SLC2A13: variants seen among roughly 807,000 people sequenced by gnomAD.
SLC2A13 encodes the protein proton myo-inositol cotransporter.
SLC2A13 carries 32 observed loss-of-function variants against 64.4 expected under a neutral mutation model. The ratio of observed to expected loss-of-function variants is 0.50; its 90% CI spans 0.37 to 0.67. The LOEUF (loss-of-function observed/expected upper bound fraction) is 0.67, where lower values mean the gene tolerates loss of function less well. Among genes scored for constraint, SLC2A13 ranks in the 30% least tolerant of loss-of-function variants. The probability of loss-of-function intolerance (pLI) is 0.00; values close to 1 mark genes in which losing one functional copy is unlikely to be tolerated. For synonymous variants in SLC2A13, 338 were observed against 327.1 expected (o/e 1.03, Z -0.36); for missense variants, 743 against 829.2 (o/e 0.90, Z 1.28).
intron 7 of SLC2A13, among the ~76,000 whole-genome samples, chr12:39,816,471 C>A (rs12813110): frequency 0.64 from 92,634 of 145,564 alleles, 29,809 homozygotes; most frequent in East Asian, 0.76. Context: ...AGGAGATATA[C>A]CTAATGTAAA....
intron 7 of SLC2A13, among the ~76,000 whole-genome samples, chr12:39,765,209 T>C (rs535285615): frequency 6.6e-6 from 1 of 152,140 alleles, no homozygotes; most frequent in East Asian, 1.9e-4. Context: ...ATGACAAGAT[T>C]CAAATTTCAG....
At chr12:40,070,126 C>T (rs1937895690) in intron 1 of SLC2A13, among the ~76,000 whole-genome samples, 1 of 150,956 alleles carries the variant, frequency 6.6e-6, no homozygotes, top group Admixed American at 6.6e-5. Context: ...TATTAGAAGG[C>T]CAATTAGTCT....
intron 3 of SLC2A13, among the ~76,000 whole-genome samples, chr12:40,014,435 C>G (rs763463711): frequency 6.6e-6 from 1 of 152,084 alleles, no homozygotes; most frequent in Non-Finnish European, 1.5e-5. Context: ...AAAAAGATTC[C>G]ACTTGAATAC....
At chr12:39,849,886 G>GT (rs1353528311) in intron 6 of SLC2A13, among the ~76,000 whole-genome samples, 1 of 151,626 alleles carries the variant, frequency 6.6e-6, no homozygotes, top group Non-Finnish European at 1.5e-5. Context: ...CTCTGTTGTT[G>GT]TTTTTTAAAA....
At chr12:40,046,462 A>G (rs995438215) in intron 2 of SLC2A13, among the ~76,000 whole-genome samples, 2 of 152,244 alleles carry the variant, frequency 1.3e-5, no homozygotes, top group Non-Finnish European at 2.9e-5. Context: ...GAATATATCT[A>G]TATTACTTAC....
At chr12:39,771,033 G>A (rs1449749104) in intron 7 of SLC2A13, among the ~76,000 whole-genome samples, 1 of 152,052 alleles carries the variant, frequency 6.6e-6, no homozygotes, top group Non-Finnish European at 1.5e-5. Context: ...GTTAGAGAAC[G>A]TACACAAAGA....
chr12:39,935,384 G>A (rs1945901011), intron 4 of SLC2A13, among the ~76,000 whole-genome samples: 1 of 152,188 alleles, frequency 6.6e-6, no homozygotes, highest in African/African-American at 2.4e-5. Flanking sequence ...AAGCTTGAAT[G>A]TTGTGGCTTT....
chr12:39,760,220 C>T lies in SLC2A13; in HGVS notation c.1753G>A (p.Val585Met), dbSNP rs776403918. 6.2e-7 allele frequency: 1 copy of T among 1,612,552 alleles called. No homozygotes were observed. Among genetic ancestry groups the T allele is most frequent in the East Asian group, 2.2e-5 (1 of 44,802 alleles). ...AFFLYAGFAAVGLLFIYGCLP... is the reference protein window; with the variant it reads ...AFFLYAGFAAMGLLFIYGCLP... ...CAGCCATAGATGAAAAGGAGTCCCACAGCAGCAAATCCAGCATAGAGGAAG... is the reference window on the plus strand; with the variant it reads ...CAGCCATAGATGAAAAGGAGTCCCATAGCAGCAAATCCAGCATAGAGGAAG... The change falls in exon 10 of 10, where the codon GTG becomes ATG. Residue 585 changes from valine to methionine, a missense_variant. Val to Met is a conservative substitution (Grantham distance 21). Coordinates refer to ENST00000280871, the MANE Select transcript of SLC2A13 (RefSeq NM_052885.4).
chr12:39,763,417 AATTTATCCATGT>A (rs1216847673), intron 9 of SLC2A13, among the ~76,000 whole-genome samples: 1 of 152,080 alleles, frequency 6.6e-6, no homozygotes, highest in African/African-American at 2.4e-5. Context: ...TCATCTGCAA[AATTTATCCATGT>A]ATTTATTCAT....
intron 4 of SLC2A13, among the ~76,000 whole-genome samples, chr12:39,902,316 T>G (rs1385690404): frequency 6.6e-6 from 1 of 151,696 alleles, no homozygotes; most frequent in Non-Finnish European, 1.5e-5. Context: ...ATTGTGCAAA[T>G]GTACCCTAAA....
At chr12:39,851,756 G>A (rs1943476568) in intron 6 of SLC2A13, among the ~76,000 whole-genome samples, 1 of 152,202 alleles carries the variant, frequency 6.6e-6, no homozygotes, top group South Asian at 2.1e-4. Context: ...AAGACATGCT[G>A]AGCTTTGAGT....
At chr12:39,880,686 T>A (rs1037789735) in intron 4 of SLC2A13, among the ~76,000 whole-genome samples, 4 of 152,218 alleles carry the variant, frequency 2.6e-5, no homozygotes, top group Admixed American at 2.6e-4. Flanking sequence ...ATGGAACTTA[T>A]AAGGGATTTC....
At chr12:39,891,753 C>G (rs1466563183) in intron 4 of SLC2A13, among the ~76,000 whole-genome samples, 1 of 152,160 alleles carries the variant, frequency 6.6e-6, no homozygotes, top group East Asian at 1.9e-4. Flanking sequence ...CAGATCAGGG[C>G]TCAGTCCCCT....
At chr12:39,766,839 A>T (rs1457361998) in intron 7 of SLC2A13, among the ~76,000 whole-genome samples, 2 of 152,060 alleles carry the variant, frequency 1.3e-5, no homozygotes, top group Non-Finnish European at 2.9e-5. Flanking sequence ...GATTGCAGCA[A>T]TTCAGTCACA....
intron 3 of SLC2A13, among the ~76,000 whole-genome samples, chr12:40,014,599 C>G (rs1224971953): frequency 6.6e-6 from 1 of 152,122 alleles, no homozygotes; most frequent in Admixed American, 6.5e-5. Context: ...TCAAGCAATT[C>G]TCCTGCCTCA....
At chr12:39,947,700 G>GCTCT (rs1946160997) in intron 4 of SLC2A13, among the ~76,000 whole-genome samples, 1 of 139,418 alleles carries the variant, frequency 7.2e-6, no homozygotes, top group Non-Finnish European at 1.5e-5. Flanking sequence ...TCGCTCAGTC[G>GCTCT]CCCAGGCTGG....
intron 1 of SLC2A13, among the ~76,000 whole-genome samples, chr12:40,084,285 T>C (rs1448045615): frequency 6.6e-6 from 1 of 152,244 alleles, no homozygotes; most frequent in Non-Finnish European, 1.5e-5. Context: ...CTTACCTGTG[T>C]GTTCTATCCA....
At chr12:40,078,737 A>G (rs1221321009) in intron 1 of SLC2A13, among the ~76,000 whole-genome samples, 1 of 152,212 alleles carries the variant, frequency 6.6e-6, no homozygotes, top group Non-Finnish European at 1.5e-5. Flanking sequence ...ATCTGATAAA[A>G]TTCAGCTGTA....
intron 6 of SLC2A13, among the ~76,000 whole-genome samples, chr12:39,853,105 G>A (rs564861366): frequency 2.0e-5 from 3 of 152,092 alleles, no homozygotes; most frequent in African/African-American, 4.8e-5. Context: ...TGCTCAAAAC[G>A]CCAAGAACCT....
Sources: allele counts gnomAD v4.1 joint callset (sites outside exome capture counted in the v4.1 genomes callset), GRCh38; gene constraint gnomAD v4.1.1; transcripts MANE v1.5; gene names NCBI Gene and HGNC (gene_info 2026-07-23, HGNC 2026-07-21).